EXOC4: variants seen among roughly 807,000 people sequenced by gnomAD.
The protein encoded by EXOC4 is exocyst complex component 4.
EXOC4 carries 71 observed loss-of-function variants against 107.2 expected under a neutral mutation model. The ratio of observed to expected loss-of-function variants is 0.66; its 90% CI spans 0.55 to 0.81. EXOC4 has a LOEUF of 0.81. EXOC4 is among the 30% of genes least tolerant of loss of function. The pLI, the probability that EXOC4 is intolerant of heterozygous loss-of-function variation, is 0.00. For missense variants in EXOC4, 1,108 were observed against 1,189.6 expected (o/e 0.93, Z 1.01); for synonymous variants, 456 against 441.2 (o/e 1.03, Z -0.42).
At chr7:134,050,231 A>G (rs1245174787) in intron 17 of EXOC4, among the ~76,000 whole-genome samples, 3 of 152,222 alleles carry the variant, frequency 2.0e-5, no homozygotes, top group Admixed American at 6.5e-5. Flanking sequence ...TTTACGCTAT[A>G]TGCTTATTTT....
intron 7 of EXOC4, 64 bp downstream of exon 7, chr7:133,375,066 A>G (rs1435041893): frequency 5.2e-6 from 7 of 1,351,510 alleles, no homozygotes; most frequent in Non-Finnish European, 7.2e-6. Flanking sequence ...AACAACAACA[A>G]CAGCAACAAC....
chr7:133,402,009 G>A (rs1797101199), intron 7 of EXOC4, among the ~76,000 whole-genome samples: 1 of 152,140 alleles, frequency 6.6e-6, no homozygotes, highest in African/African-American at 2.4e-5. Context: ...TAGTTGTTCT[G>A]GAGTACTATG....
chr7:133,434,069 A>G (rs1797912459), intron 7 of EXOC4, among the ~76,000 whole-genome samples: 1 of 152,196 alleles, frequency 6.6e-6, no homozygotes, highest in Admixed American at 6.6e-5. Context: ...GGAGGAGGCC[A>G]AACACCTCTT....
chr7:133,577,131 A>T (rs1801150281), intron 9 of EXOC4, among the ~76,000 whole-genome samples: 1 of 152,228 alleles, frequency 6.6e-6, no homozygotes, highest in African/African-American at 2.4e-5. Context: ...ATAGGGCCGG[A>T]ACAGACTTTT....
chr7:133,523,229 C>T (rs770476809), intron 9 of EXOC4, among the ~76,000 whole-genome samples: 3 of 151,988 alleles, frequency 2.0e-5, no homozygotes, highest in African/African-American at 4.8e-5. Flanking sequence ...GGAAGATAAC[C>T]AGCTAGTTCT....
intron 9 of EXOC4, among the ~76,000 whole-genome samples, chr7:133,554,802 G>T (rs1172181285): frequency 6.6e-6 from 1 of 152,164 alleles, no homozygotes; most frequent in African/African-American, 2.4e-5. Context: ...TAGACTGTGA[G>T]ATCCTTATGG....
At chr7:133,294,012 T>G (rs868138283) in intron 3 of EXOC4, among the ~76,000 whole-genome samples, 3 of 152,182 alleles carry the variant, frequency 2.0e-5, no homozygotes, top group African/African-American at 7.2e-5. Flanking sequence ...TCACATTAAT[T>G]GAAGTAATTT....
chr7:133,841,258 C>T (rs1401835007), intron 11 of EXOC4, among the ~76,000 whole-genome samples: 3 of 152,150 alleles, frequency 2.0e-5, no homozygotes, highest in Non-Finnish European at 2.9e-5. Flanking sequence ...CCCAAAGTCC[C>T]CACCTCCTCA....
At chr7:134,007,866 T>C (rs754867074) in intron 17 of EXOC4, 31 bp downstream of exon 17, 13 of 1,592,432 alleles carry the variant, frequency 8.2e-6, no homozygotes, top group African/African-American at 2.7e-5. Flanking sequence ...TAGTTTCTTA[T>C]GCCAAAGCTA....
chr7:133,603,500 T>C (rs963347527), intron 9 of EXOC4, among the ~76,000 whole-genome samples: 2 of 152,192 alleles, frequency 1.3e-5, no homozygotes, highest in African/African-American at 4.8e-5. Flanking sequence ...CTAGGTTATA[T>C]GGTATAGCCT....
intron 6 of EXOC4, among the ~76,000 whole-genome samples, chr7:133,357,120 TA>T (rs1281570884): frequency 6.6e-6 from 1 of 152,230 alleles, no homozygotes; most frequent in Non-Finnish European, 1.5e-5. Flanking sequence ...TGGACATATT[TA>T]TAGTAGAGAT....
At chr7:133,731,397 A>G (rs572630719) in intron 10 of EXOC4, among the ~76,000 whole-genome samples, 14 of 152,030 alleles carry the variant, frequency 9.2e-5, no homozygotes, top group East Asian at 3.9e-4. Context: ...TGAATATCCC[A>G]TATCTTTGGC....
chr7:133,405,843 A>G (rs1490036827), intron 7 of EXOC4, among the ~76,000 whole-genome samples: 1 of 152,186 alleles, frequency 6.6e-6, no homozygotes, highest in Non-Finnish European at 1.5e-5. Context: ...ATTGTACTAT[A>G]TTGAAGGTAT....
At chr7:133,899,467 T>G (rs1475222435) in intron 12 of EXOC4, among the ~76,000 whole-genome samples, 1 of 152,258 alleles carries the variant, frequency 6.6e-6, no homozygotes, top group Non-Finnish European at 1.5e-5. Flanking sequence ...AAGTTTTCTC[T>G]TTGTTTGAAG....
chr7:133,408,570 G>T (rs1231844615), intron 7 of EXOC4, among the ~76,000 whole-genome samples: 2 of 151,976 alleles, frequency 1.3e-5, no homozygotes, highest in Non-Finnish European at 2.9e-5. Flanking sequence ...TGATGGTAAT[G>T]ATGGAGGTGA....
intron 3 of EXOC4, 55 bp downstream of exon 3, chr7:133,289,171 C>A: frequency 1.4e-6 from 2 of 1,474,358 alleles, no homozygotes; most frequent in Non-Finnish European, 9.3e-7. Context: ...AAAGCACTCT[C>A]TTTTATTCTC....
intron 9 of EXOC4, among the ~76,000 whole-genome samples, chr7:133,564,369 A>T (rs925735115): frequency 5.3e-5 from 8 of 152,122 alleles, no homozygotes; most frequent in African/African-American, 1.9e-4. Context: ...GAACAGCACC[A>T]CAGGAGAAAT....
intron 17 of EXOC4, among the ~76,000 whole-genome samples, chr7:134,009,432 A>G (rs934544315): frequency 2.6e-5 from 4 of 151,968 alleles, no homozygotes; most frequent in African/African-American, 9.7e-5. Context: ...TTCCATTGCT[A>G]CCCTGTTCCT....
the EXOC4 span, among the ~76,000 whole-genome samples, chr7:134,094,044 C>A: frequency 6.6e-6 from 1 of 151,988 alleles, no homozygotes; most frequent in African/African-American, 2.4e-5. Context: ...AACCCCAGAG[C>A]TAGCAGAAGA....
Sources: gnomAD v4.1 joint callset for allele counts (sites outside exome capture counted in the v4.1 genomes callset) on GRCh38, gnomAD v4.1.1 for gene constraint, MANE v1.5 for transcripts, NCBI Gene and HGNC (gene_info 2026-07-23, HGNC 2026-07-21) for gene names.